The following HSD17B2 variants were observed in gnomAD, a reference collection of about 807,000 sequenced individuals.
HSD17B2 encodes the protein 17-beta-hydroxysteroid dehydrogenase type 2.
HSD17B2 carries 32 observed loss-of-function variants against 26.9 expected under a neutral mutation model. The ratio of observed to expected loss-of-function variants is 1.19; its 90% CI spans 0.90 to 1.60. The LOEUF (loss-of-function observed/expected upper bound fraction) is 1.60. Among genes scored for constraint, HSD17B2 ranks in the 40% most tolerant of loss-of-function variants. The pLI, the probability that HSD17B2 is intolerant of heterozygous loss-of-function variation, is 0.00. For synonymous variants in HSD17B2, 246 were observed against 186.7 expected (o/e 1.32, Z -2.59); for missense variants, 613 against 468.6 (o/e 1.31, Z -2.85).
chr16:82,053,061 T>C (rs951849609), intron 1 of HSD17B2, among the ~76,000 whole-genome samples: 1 of 152,198 alleles, frequency 6.6e-6, no homozygotes, highest in Non-Finnish European at 1.5e-5. Flanking sequence ...AGGCTCCACC[T>C]CTCAATGCCA....
At chr16:82,067,530 A>G (rs1158109806) in intron 1 of HSD17B2, among the ~76,000 whole-genome samples, 1 of 152,210 alleles carries the variant, frequency 6.6e-6, no homozygotes, top group East Asian at 1.9e-4. Context: ...CTGTTTTCAC[A>G]GAGCAATGCA....
chr16:82,049,595 C>T (rs1464995653), intron 1 of HSD17B2, among the ~76,000 whole-genome samples: 1 of 152,218 alleles, frequency 6.6e-6, no homozygotes, highest in Admixed American at 6.5e-5. Flanking sequence ...AGATTGCAAA[C>T]ATTCTGGCTC....
At chr16:82,056,927 C>T (rs1457550036) in intron 1 of HSD17B2, among the ~76,000 whole-genome samples, 1 of 152,096 alleles carries the variant, frequency 6.6e-6, no homozygotes, top group African/African-American at 2.4e-5. Context: ...GGTTTCCTCA[C>T]CTGTAAAATG....
At chr16:82,072,211 G>GGA (rs148943235) in intron 3 of HSD17B2, among the ~76,000 whole-genome samples, 2,739 of 151,058 alleles carry the variant, frequency 0.018, 77 homozygotes, top group African/African-American at 0.063. Context: ...AAGAAGGTAG[G>GGA]GAGAGAGAGA....
chr16:82,075,261 AG>A (rs1285093765), intron 3 of HSD17B2, among the ~76,000 whole-genome samples: 4 of 152,198 alleles, frequency 2.6e-5, no homozygotes, highest in Non-Finnish European at 4.4e-5. Flanking sequence ...AAACACTTCA[AG>A]TAAAAAACCT....
At chr16:82,089,631 C>A (rs943576996) in intron 3 of HSD17B2, among the ~76,000 whole-genome samples, 1 of 152,166 alleles carries the variant, frequency 6.6e-6, no homozygotes, top group Non-Finnish European at 1.5e-5. Flanking sequence ...GATGTCTAAA[C>A]CAAGTGTTAG....
At position 82,085,729 on chromosome 16, in the gene HSD17B2, T is replaced by C. The variant is rs866540386; in HGVS notation, c.665-5173T>C. Among the ~76,000 whole-genome samples the C allele has an allele frequency of 8.5e-5, 13 of 152,292 alleles. No homozygotes were observed. The Middle Eastern group carries it at 0.01, about 120-fold the overall frequency. On this transcript the variant is annotated intron_variant, in intron 3 of 4. Transcript: ENST00000199936. ...AAGGCAGAATCTGACTGGGTTGGTC[T>C]GGGTGGAGCCTAAGATTCTGCATGT... is the stretch of plus-strand genomic sequence containing the variant.
chr16:82,042,300 C>G (rs1245177067), intron 1 of HSD17B2, among the ~76,000 whole-genome samples: 2 of 152,172 alleles, frequency 1.3e-5, no homozygotes, highest in African/African-American at 4.8e-5. Context: ...TCACCACGCC[C>G]AGCCTCCCAC....
In HSD17B2 at chr16:82,035,353, C is replaced by T; in HGVS notation, c.-72C>T. On this transcript the variant is annotated 5_prime_UTR_variant, in exon 1 of 5. Coordinates refer to ENST00000199936, the MANE Select transcript of HSD17B2 (RefSeq NM_002153.3). ...TGACTCTCTGTTCACAGAACTCAGG[C>T]TGCCTCCAGCCAGCCTTTGCCCGCT... 2 of 1,481,136 alleles carry T rather than the reference C, an allele frequency of 1.4e-6. No individual in the cohort carries two copies. The highest frequency in any genetic ancestry group is 2.5e-5 in the South Asian group (2 of 79,224). The allele number at this position is 1,481,136 out of a possible 1,614,324, so 91.7% of individuals were successfully genotyped here. A position where few individuals can be genotyped will look rare whatever the true frequency, so the allele number is the denominator to read the frequency against.
intron 1 of HSD17B2, among the ~76,000 whole-genome samples, chr16:82,059,495 T>A (rs1480022973): frequency 1.3e-5 from 2 of 152,192 alleles, no homozygotes; most frequent in Non-Finnish European, 1.5e-5. Flanking sequence ...CCAGGCCAAT[T>A]AAATGGGAGT....
chr16:82,058,295 T>A (rs1914334066), intron 1 of HSD17B2, among the ~76,000 whole-genome samples: 1 of 152,056 alleles, frequency 6.6e-6, no homozygotes, highest in African/African-American at 2.4e-5. Context: ...AGTCTCAAAC[T>A]CCTGGGCTCA....
chr16:82,090,676 T>C (rs1904665926), intron 3 of HSD17B2, among the ~76,000 whole-genome samples: 1 of 152,094 alleles, frequency 6.6e-6, no homozygotes, highest in African/African-American at 2.4e-5. Flanking sequence ...TGGTTTGTCA[T>C]CATACCAGCT....
chr16:82,046,552 A>C (rs960621647), intron 1 of HSD17B2, among the ~76,000 whole-genome samples: 5 of 152,150 alleles, frequency 3.3e-5, no homozygotes, highest in African/African-American at 1.2e-4. Flanking sequence ...GTAAAACCCC[A>C]TATCTACCAA....
At chr16:82,082,650 T>C (rs565582745) in intron 3 of HSD17B2, among the ~76,000 whole-genome samples, 97 of 152,310 alleles carry the variant, frequency 6.4e-4, no homozygotes, top group African/African-American at 2.3e-3. Context: ...ATGAGGTTCC[T>C]GAGGATAATA....
At chr16:82,074,954 A>G (rs1221648555) in intron 3 of HSD17B2, among the ~76,000 whole-genome samples, 2 of 152,258 alleles carry the variant, frequency 1.3e-5, no homozygotes, top group Admixed American at 6.5e-5. Context: ...GTTAGGCCAC[A>G]AAACAAGTCT....
intron 1 of HSD17B2, among the ~76,000 whole-genome samples, chr16:82,039,605 T>C (rs1350823039): frequency 2.0e-5 from 3 of 152,200 alleles, no homozygotes; most frequent in South Asian, 2.1e-4. Flanking sequence ...TTCCTACTTT[T>C]CCTTCATCTT....
chr16:82,042,285 A>T (rs1371225218), intron 1 of HSD17B2, among the ~76,000 whole-genome samples: 3 of 151,798 alleles, frequency 2.0e-5, no homozygotes, highest in African/African-American at 7.2e-5. Flanking sequence ...GATTACAGGC[A>T]TGAGTCACCA....
At chr16:82,052,517 A>G (rs2143941170) in intron 1 of HSD17B2, 1 of 152,252 alleles carries the variant, frequency 6.6e-6, no homozygotes, top group Non-Finnish European at 1.5e-5. Context: ...TCCCTCAGGG[A>G]GCAACCCTTG....
intron 3 of HSD17B2, among the ~76,000 whole-genome samples, chr16:82,084,148 T>C (rs1597137284): frequency 6.6e-6 from 1 of 152,154 alleles, no homozygotes; most frequent in African/African-American, 2.4e-5. Context: ...TCAGGTCACC[T>C]TACTTGTCAT....
Sources: gnomAD v4.1 joint callset for allele counts (sites outside exome capture counted in the v4.1 genomes callset) on GRCh38, gnomAD v4.1.1 for gene constraint, MANE v1.5 for transcripts, NCBI Gene and HGNC (gene_info 2026-07-23, HGNC 2026-07-21) for gene names.